The following GSG1L variants were observed in gnomAD, a reference collection of about 807,000 sequenced individuals.
GSG1L encodes the protein germ cell-specific gene 1-like protein.
In GSG1L, 24 loss-of-function variants were observed where a neutral mutation model predicts 42.1. That is an observed-to-expected ratio of 0.57 (90% confidence interval 0.41 to 0.80). The LOEUF (loss-of-function observed/expected upper bound fraction) is 0.80. Ranked by LOEUF, GSG1L falls within the 30% of genes least tolerant of loss-of-function variation. The pLI is 0.00. For synonymous variants in GSG1L, 215 were observed against 203.5 expected, an observed-to-expected ratio of 1.06 and a Z score of -0.48; for missense variants, 445 against 472.2, an observed-to-expected ratio of 0.94 and a Z score of 0.53.
intron 1 of GSG1L, among the ~76,000 whole-genome samples, chr16:27,981,915 C>A (rs1340057986): frequency 6.6e-6 from 1 of 152,212 alleles, no homozygotes; most frequent in Non-Finnish European, 1.5e-5. Context: ...AGCTCTGCCA[C>A]ATACAAGCTC....
intron 1 of GSG1L, among the ~76,000 whole-genome samples, chr16:27,993,405 G>A (rs778515543): frequency 4.9e-4 from 75 of 152,180 alleles, no homozygotes; most frequent in Admixed American, 3.7e-3. Context: ...CAAAGTGCTG[G>A]GATTACAGGC....
At chr16:27,803,667 C>T (rs1010010156) in intron 6 of GSG1L, among the ~76,000 whole-genome samples, 4 of 151,858 alleles carry the variant, frequency 2.6e-5, no homozygotes, top group Admixed American at 2.0e-4. Context: ...CTCCCAAGAA[C>T]GACTGCAACA....
chr16:27,819,361 A>T (rs1402823808), intron 5 of GSG1L, among the ~76,000 whole-genome samples: 5 of 152,174 alleles, frequency 3.3e-5, no homozygotes, highest in African/African-American at 1.2e-4. Context: ...AATCACTGGC[A>T]TGGTGGTGGT....
In GSG1L at chr16:28,037,985, A is replaced by G. The variant is rs544830478; in HGVS notation, c.349+25091T>C. Among the ~76,000 whole-genome samples, 20 of 152,322 alleles carry G rather than the reference A, an allele frequency of 1.3e-4. No homozygotes were observed. The East Asian group carries it at 3.9e-3, about 29-fold the overall frequency. ...GTCATGGATTAAATGTAATCTCATCAGCACCAAGAAGAGCTACTCACCATG... is the reference window on the plus strand; with the variant it reads ...GTCATGGATTAAATGTAATCTCATCGGCACCAAGAAGAGCTACTCACCATG... On this transcript the variant is annotated intron_variant, in intron 1 of 6. Coordinates refer to ENST00000447459, the MANE Select transcript of GSG1L (RefSeq NM_001109763.2).
At chr16:27,793,345 A>G (rs1052618419) in intron 6 of GSG1L, among the ~76,000 whole-genome samples, 10 of 152,078 alleles carry the variant, frequency 6.6e-5, no homozygotes, top group Admixed American at 2.6e-4. Context: ...AAGTTTTACT[A>G]TATTTATTAA....
At chr16:28,061,055 G>C (rs768317991) in intron 1 of GSG1L, among the ~76,000 whole-genome samples, 8 of 152,090 alleles carry the variant, frequency 5.3e-5, no homozygotes, top group Non-Finnish European at 1.0e-4. Context: ...GGACCACTCC[G>C]GTGCCAGAGA....
At chr16:27,927,238 T>A (rs1243506811) in intron 2 of GSG1L, among the ~76,000 whole-genome samples, 1 of 152,016 alleles carries the variant, frequency 6.6e-6, no homozygotes, top group Non-Finnish European at 1.5e-5. Flanking sequence ...CAGCCTCGAC[T>A]TCCCAGGCTC....
intron 1 of GSG1L, among the ~76,000 whole-genome samples, chr16:27,964,244 T>C (rs963373427): frequency 1.3e-5 from 2 of 151,244 alleles, no homozygotes; most frequent in Non-Finnish European, 2.9e-5. Flanking sequence ...GCAGGAGAAT[T>C]GCTTGAACCT....
chr16:27,988,100 T>G (rs2085408980), intron 1 of GSG1L, among the ~76,000 whole-genome samples: 1 of 152,146 alleles, frequency 6.6e-6, no homozygotes, highest in Non-Finnish European at 1.5e-5. Context: ...ACTGGAATAT[T>G]AACTTTTAAA....
At chr16:27,791,550 TCCA>T (rs2082753533) in intron 6 of GSG1L, 83 bp from the exon 7 acceptor site, 1 of 847,346 alleles carries the variant, frequency 1.2e-6, no homozygotes, top group Non-Finnish European at 1.7e-6. Flanking sequence ...CACCCACACA[TCCA>T]TCACTCACCC....
intron 1 of GSG1L, among the ~76,000 whole-genome samples, chr16:28,057,042 C>T (rs754895550): frequency 3.9e-5 from 6 of 151,946 alleles, no homozygotes; most frequent in Non-Finnish European, 8.8e-5. Flanking sequence ...GTCAAAGAGC[C>T]GGTAAGGAGG....
At chr16:27,852,723 G>A (rs2083529369) in intron 3 of GSG1L, among the ~76,000 whole-genome samples, 5 of 152,198 alleles carry the variant, frequency 3.3e-5, no homozygotes. Context: ...ACTTTATCCT[G>A]AGGACCCGGG....
At chr16:27,965,523 A>G (rs1333379118) in intron 1 of GSG1L, among the ~76,000 whole-genome samples, 3 of 151,964 alleles carry the variant, frequency 2.0e-5, no homozygotes, top group Non-Finnish European at 4.4e-5. Flanking sequence ...CTCACTCCGG[A>G]CTCTGCTTAC....
chr16:27,792,680 A>C (rs2082768512), intron 6 of GSG1L, among the ~76,000 whole-genome samples: 4 of 152,114 alleles, frequency 2.6e-5, no homozygotes, highest in Admixed American at 2.6e-4. Context: ...CTCTGCCAGC[A>C]TCACCCCCGT....
intron 2 of GSG1L, among the ~76,000 whole-genome samples, chr16:27,942,122 A>G (rs1050384952): frequency 3.3e-5 from 5 of 151,640 alleles, no homozygotes; most frequent in African/African-American, 1.2e-4. Flanking sequence ...ATATTTTACC[A>G]TAATAAAAAA....
intron 2 of GSG1L, among the ~76,000 whole-genome samples, chr16:27,954,376 T>C (rs1371813491): frequency 1.3e-5 from 2 of 152,180 alleles, no homozygotes; most frequent in Non-Finnish European, 1.5e-5. Flanking sequence ...GGAAGTTGAC[T>C]ACCCGCATGG....
chr16:27,905,280 C>A lies in GSG1L; in HGVS notation c.398-20642G>T, dbSNP rs79561157. Reference sequence around the variant, plus strand: ...ACTTCTACTGAGCACTTGGCTGGACCACACAAAGGGGAAAATGCTATTCCG... The same window carrying A: ...ACTTCTACTGAGCACTTGGCTGGACAACACAAAGGGGAAAATGCTATTCCG... On this transcript the variant is annotated intron_variant, in intron 2 of 6. Transcript: ENST00000447459. Among the ~76,000 whole-genome samples the A allele has an allele frequency of 5.3e-3, 799 of 152,002 alleles. 5 individuals are homozygous for A. The highest frequency in any genetic ancestry group is 0.018 in the African/African-American group (759 of 41,482).
rs149287788 is a variant in GSG1L at position 27,929,107 on chromosome 16, A to G, written c.397+34049T>C. ...CAGCCCAGGTACCTGTATTTCTCAAAACCTCCCCAGGTAGTTCCAAGGGAC... is the reference window on the plus strand; with the variant it reads ...CAGCCCAGGTACCTGTATTTCTCAAGACCTCCCCAGGTAGTTCCAAGGGAC... On this transcript the variant is annotated intron_variant, in intron 2 of 6. Transcript: ENST00000447459. 4.9e-3 allele frequency among the ~76,000 whole-genome samples: 743 copies of G among 152,270 alleles called. 2 individuals are homozygous for G. Among genetic ancestry groups the G allele is most frequent in the Middle Eastern group, 0.01 (3 of 292 alleles).
chr16:27,893,046 G>A (rs969091374), intron 2 of GSG1L, among the ~76,000 whole-genome samples: 2 of 152,060 alleles, frequency 1.3e-5, no homozygotes, highest in South Asian at 2.1e-4. Context: ...TAGTGATGCC[G>A]GGAAAGCCTC....
Sources: allele counts gnomAD v4.1 joint callset (sites outside exome capture counted in the v4.1 genomes callset), GRCh38; gene constraint gnomAD v4.1.1; transcripts MANE v1.5; gene names NCBI Gene and HGNC (gene_info 2026-07-23, HGNC 2026-07-21).